NHSL1: variants seen among roughly 807,000 people sequenced by gnomAD.
The protein encoded by NHSL1 is NHS-like protein 1.
A neutral mutation model predicts 95.0 loss-of-function variants in NHSL1; 48 were observed. That is an observed-to-expected ratio of 0.51 (90% CI 0.40 to 0.64). NHSL1 has a LOEUF of 0.64. Among genes scored for constraint, NHSL1 ranks in the 30% least tolerant of loss-of-function variants. The probability of loss-of-function intolerance (pLI) is 0.00; values close to 1 mark genes in which losing one functional copy is unlikely to be tolerated. For missense variants in NHSL1, 1,971 were observed against 2,077.7 expected (o/e 0.95, Z 1.00); for synonymous variants, 783 against 833.9 (o/e 0.94, Z 1.05).
intron 3 of NHSL1, among the ~76,000 whole-genome samples, chr6:138,453,006 T>G (rs1206048109): frequency 6.6e-6 from 1 of 152,240 alleles, no homozygotes; most frequent in Non-Finnish European, 1.5e-5. Context: ...AGTCTCACTC[T>G]GTCGCCCAGG....
At position 138,443,899 on chromosome 6, in the gene NHSL1, A is replaced by G. The variant is rs145432488; in HGVS notation, c.533-1785T>C. On this transcript the variant is annotated intron_variant, in intron 4 of 7. Coordinates refer to ENST00000343505, the MANE Select transcript of NHSL1 (RefSeq NM_001144060.2). ...TTTTGCTTCCTAGACAAAAGATAAA[A>G]TCACCCAAGCTCCCAGAAAATTAAG... 1.8e-3 allele frequency among the ~76,000 whole-genome samples: 281 copies of G among 152,306 alleles called. 1 individual carries two copies. Among genetic ancestry groups the G allele is most frequent in the African/African-American group, 6.6e-3 (274 of 41,560 alleles).
chr6:138,637,738 AGAG>A (rs1349952409), intron 1 of NHSL1, among the ~76,000 whole-genome samples: 2 of 152,320 alleles, frequency 1.3e-5, no homozygotes, highest in East Asian at 3.9e-4. Flanking sequence ...CAAATGCTGC[AGAG>A]GATGGGGAGA....
At chr6:138,560,726 T>C in intron 1 of NHSL1, among the ~76,000 whole-genome samples, 1 of 152,150 alleles carries the variant, frequency 6.6e-6, no homozygotes, top group Non-Finnish European at 1.5e-5. Flanking sequence ...GTCTGCTTTG[T>C]AAAAGAATCC....
chr6:138,455,507 ACATGCTCCCTGCAAGGAGCCCCG>A (rs1777540508), intron 3 of NHSL1, among the ~76,000 whole-genome samples: 10 of 72,714 alleles, frequency 1.4e-4, no homozygotes, highest in African/African-American at 5.2e-4. Flanking sequence ...CCCCGCCTTC[ACATGCTCCCTGCAAGGAGCCCCG>A]CCTTCACATG....
intron 1 of NHSL1, among the ~76,000 whole-genome samples, chr6:138,606,199 G>C (rs1001041444): frequency 1.3e-5 from 2 of 152,052 alleles, no homozygotes; most frequent in African/African-American, 4.8e-5. Flanking sequence ...GGCCTGAAGA[G>C]GCTGCAGAGG....
At chr6:138,476,007 T>C (rs964598625) in intron 2 of NHSL1, among the ~76,000 whole-genome samples, 1 of 152,248 alleles carries the variant, frequency 6.6e-6, no homozygotes, top group Admixed American at 6.5e-5. Context: ...GATGTTGGCA[T>C]GGATGTAGAC....
intron 1 of NHSL1, among the ~76,000 whole-genome samples, chr6:138,654,604 T>G (rs1430977501): frequency 6.6e-6 from 1 of 152,166 alleles, no homozygotes; most frequent in African/African-American, 2.4e-5. Flanking sequence ...CAAATTCAAT[T>G]TCTTTTCAGT....
At chr6:138,443,856 G>A (rs1776689685) in intron 4 of NHSL1, among the ~76,000 whole-genome samples, 1 of 152,006 alleles carries the variant, frequency 6.6e-6, no homozygotes, top group Admixed American at 6.6e-5. Flanking sequence ...ATAAAATAAA[G>A]TTGCATTTAG....
chr6:138,461,908 C>G (rs1778020630), intron 3 of NHSL1, among the ~76,000 whole-genome samples: 1 of 152,080 alleles, frequency 6.6e-6, no homozygotes, highest in African/African-American at 2.4e-5. Context: ...AATATGAAGT[C>G]CTTGAGAGGT....
At chr6:138,535,823 T>C (rs1169590184) in intron 1 of NHSL1, among the ~76,000 whole-genome samples, 1 of 152,188 alleles carries the variant, frequency 6.6e-6, no homozygotes, top group Non-Finnish European at 1.5e-5. Context: ...AAAAGACTCA[T>C]GACATTGACT....
exon 1 of NHSL1, chr6:138,572,279 A>G (rs1783868389): frequency 5.8e-6 from 1 of 171,836 alleles, no homozygotes; most frequent in African/African-American, 2.4e-5. Flanking sequence ...AGGCACCCCG[A>G]CTCTTTGGCG....
At chr6:138,536,661 A>T (rs4243454) in intron 1 of NHSL1, among the ~76,000 whole-genome samples, 69,332 of 139,278 alleles carry the variant, frequency 0.5, 18,318 homozygotes, top group African/African-American at 0.7. Context: ...CATGTGCAGA[A>T]CGTGCAGGTT....
intron 2 of NHSL1, among the ~76,000 whole-genome samples, chr6:138,494,059 T>C (rs1418501163): frequency 1.3e-5 from 2 of 152,080 alleles, no homozygotes; most frequent in Non-Finnish European, 2.9e-5. Flanking sequence ...TTACAAAAGA[T>C]TAAAGGAACA....
chr6:138,433,635 G>C lies in NHSL1; in HGVS notation c.710C>G (p.Thr237Ser). ...TCCTAGTGTAGAGTAGTGATCAGGGGTGTACACTGAGTGGCCATCAGCATC... is the reference window on the plus strand; with the variant it reads ...TCCTAGTGTAGAGTAGTGATCAGGGCTGTACACTGAGTGGCCATCAGCATC... ...QDDADGHSVY[T>S]PDHYSTLGRF... is the part of the protein sequence containing the mutation. Residue 237 changes from threonine (T) to serine (S), a missense_variant, in exon 6 of 8, where the codon ACC becomes AGC. Coordinates refer to ENST00000343505, the MANE Select transcript of NHSL1 (RefSeq NM_001144060.2). 1 of 1,549,268 alleles carries C rather than the reference G, an allele frequency of 6.5e-7. No individual in the cohort carries two copies. The highest frequency in any genetic ancestry group is 8.7e-7 in the Non-Finnish European group (1 of 1,144,772).
chr6:138,580,991 T>A (rs745377526), intron 1 of NHSL1, among the ~76,000 whole-genome samples: 12 of 152,194 alleles, frequency 7.9e-5, no homozygotes, highest in Non-Finnish European at 1.6e-4. Flanking sequence ...GAGATCGAAG[T>A]GATTCAGCCA....
intron 3 of NHSL1, among the ~76,000 whole-genome samples, chr6:138,454,548 C>T (rs1777461149): frequency 1.3e-5 from 2 of 152,032 alleles, no homozygotes; most frequent in Non-Finnish European, 2.9e-5. Context: ...AGGTTTAAAT[C>T]CTGGTTTTGC....
rs752760202 is a variant in NHSL1 at position 138,431,271 on chromosome 6, G to A, written c.3074C>T (p.Pro1025Leu). Residue 1025 changes from proline to leucine, a missense_variant, in exon 6 of 8, where the codon CCT becomes CTT. Pro to Leu is a moderately conservative substitution (Grantham distance 98). Coordinates refer to ENST00000343505, the MANE Select transcript of NHSL1 (RefSeq NM_001144060.2). The surrounding 1 kb of genome is among the most constrained non-coding windows in gnomAD (Gnocchi z 4.0). ...LPSSEPPPAP[P>L]LDPKFMKDTR... ...GTCTTTCATGAATTTGGGGTCAAGAGGTGGGGCAGGTGGGGGTTCCGAGGA... is the reference window on the plus strand; with the variant it reads ...GTCTTTCATGAATTTGGGGTCAAGAAGTGGGGCAGGTGGGGGTTCCGAGGA... 6.7e-7 allele frequency: 1 copy of A among 1,503,650 alleles called. No homozygotes were observed. The highest frequency in any genetic ancestry group is 8.9e-7 in the Non-Finnish European group (1 of 1,122,702). 93.1% of individuals were successfully genotyped at this position (1,503,650 alleles called of 1,614,324 possible).
chr6:138,581,692 CAAAAAAAAAAAAAAAA>C (rs1163761095), intron 1 of NHSL1, among the ~76,000 whole-genome samples: 6 of 67,290 alleles, frequency 8.9e-5, no homozygotes, highest in Non-Finnish European at 1.7e-4. Context: ...ACTCCGTCTC[CAAAAAAAAAAAAAAAA>C]AAAAAAAAAT....
Position 138,558,836 on chromosome 6 carries a change from A to C in NHSL1, c.202+12874T>G, listed in dbSNP as rs191344081. Among the ~76,000 whole-genome samples the C allele has an allele frequency of 4.6e-5, 7 of 152,286 alleles. No homozygotes were observed. In the East Asian group the frequency reaches 1.4e-3, roughly 29 times the overall value. ...AGTGGGAAAATCACTTGAGGCTAAG[A>C]GTGAAGACCAGCCTGGGCAACATAG... On this transcript the variant is annotated intron_variant, in intron 1 of 6. Transcript: ENST00000427025.
Sources: gnomAD v4.1 joint callset for allele counts (sites outside exome capture counted in the v4.1 genomes callset) on GRCh38, gnomAD v4.1.1 for gene constraint, Gnocchi (gnomAD v3.1) non-coding constraint, MANE v1.5 for transcripts, NCBI Gene and HGNC (gene_info 2026-07-23, HGNC 2026-07-21) for gene names.